The following ST18 variants were observed in gnomAD, a reference collection of about 807,000 sequenced individuals.
The protein encoded by ST18 is suppression of tumorigenicity 18 protein.
A neutral mutation model predicts 110.0 loss-of-function variants in ST18; 50 were observed. That is an observed-to-expected ratio of 0.45 (90% confidence interval 0.36 to 0.58). The LOEUF (loss-of-function observed/expected upper bound fraction) is 0.58, where lower values mean the gene tolerates loss of function less well. Among genes scored for constraint, ST18 ranks in the 20% least tolerant of loss-of-function variants. The probability of loss-of-function intolerance (pLI) is 0.00; values close to 1 mark genes in which losing one functional copy is unlikely to be tolerated. For synonymous variants in ST18, 461 were observed against 452.4 expected, an observed-to-expected ratio of 1.02 and a Z score of -0.24; for missense variants, 1,306 against 1,280.1, an observed-to-expected ratio of 1.02 and a Z score of -0.31.
chr8:52,249,352 A>T (rs2094112902), intron 2 of ST18: 2 of 152,380 alleles, frequency 1.3e-5, no homozygotes, highest in African/African-American at 4.8e-5. Context: ...TGCCAGACTG[A>T]CTTACCGGTG....
chr8:52,334,822 C>A (rs918001839), intron 2 of ST18, among the ~76,000 whole-genome samples: 1 of 152,300 alleles, frequency 6.6e-6, no homozygotes, highest in African/African-American at 2.4e-5. Flanking sequence ...TTTCTCTCAG[C>A]AAATCCAAGG....
chr8:52,188,880 G>T (rs2073405889), intron 8 of ST18, among the ~76,000 whole-genome samples: 1 of 152,194 alleles, frequency 6.6e-6, no homozygotes, highest in African/African-American at 2.4e-5. Flanking sequence ...GAATCATGTA[G>T]TTACCATTTC....
At chr8:52,337,712 G>A (rs557255964) in intron 2 of ST18, among the ~76,000 whole-genome samples, 13 of 152,318 alleles carry the variant, frequency 8.5e-5, no homozygotes, top group East Asian at 1.9e-4. Context: ...TAGAGTTGGC[G>A]TTTCTCAGGG....
In ST18 at chr8:52,336,989, G is replaced by A. The variant is rs79628873; in HGVS notation, c.-465+72339C>T. On this transcript the variant is annotated intron_variant, in intron 2 of 25. Transcript: ENST00000689386. ...AATAGGAAAACCATCTACCTTCATTGTGTATGATTTTGACAAAAAGTAATG... is the reference window on the plus strand; with the variant it reads ...AATAGGAAAACCATCTACCTTCATTATGTATGATTTTGACAAAAAGTAATG... Among the ~76,000 whole-genome samples, 782 of 152,248 alleles carry A rather than the reference G, an allele frequency of 5.1e-3. 11 individuals are homozygous for A. Among genetic ancestry groups the A allele is most frequent in the Admixed American group, 0.016 (247 of 15,292 alleles).
intron 2 of ST18, among the ~76,000 whole-genome samples, chr8:52,302,205 A>C (rs1027598029): frequency 2.0e-5 from 3 of 152,214 alleles, no homozygotes; most frequent in African/African-American, 7.2e-5. Context: ...GAGTAAGAAA[A>C]TATGTTGGGG....
intron 9 of ST18, among the ~76,000 whole-genome samples, chr8:52,179,367 A>T (rs1177923551): frequency 6.6e-6 from 1 of 152,232 alleles, no homozygotes; most frequent in Non-Finnish European, 1.5e-5. Flanking sequence ...GTGTTTGATG[A>T]GTAAGTGAAG....
In ST18 at chr8:52,111,619, A is replaced by G. The variant is rs1451423280; in HGVS notation, c.*1579T>C. On this transcript the variant is annotated 3_prime_UTR_variant, in exon 26 of 26. Transcript: ENST00000689386. ...ACAGTGGAATACATCAAGCCTGTGA[A>G]TGCCATCACTTTCCATCTAAATATC... 6.6e-6 allele frequency: 1 copy of G among 152,616 alleles called. No homozygotes were observed. The highest frequency in any genetic ancestry group is 1.5e-5 in the Non-Finnish European group (1 of 68,028). The allele number at this position is 152,616 out of a possible 1,614,324, so 9.5% of individuals were successfully genotyped here.
At chr8:52,215,454 A>G (rs533580635) in intron 6 of ST18, among the ~76,000 whole-genome samples, 1 of 152,280 alleles carries the variant, frequency 6.6e-6, no homozygotes, top group Admixed American at 6.5e-5. Context: ...TCCATTGTGC[A>G]TTTTTTCACC....
At chr8:52,209,776 A>ATATAT (rs1196733238) in intron 8 of ST18, among the ~76,000 whole-genome samples, 10 of 131,106 alleles carry the variant, frequency 7.6e-5, no homozygotes, top group South Asian at 5.0e-4. Flanking sequence ...ATCTCAAAAA[A>ATATAT]AAAAAAAAAA....
At position 52,151,464 on chromosome 8, in the gene ST18, G is replaced by A. The variant is rs569268286; in HGVS notation, c.1807-1487C>T. On this transcript the variant is annotated intron_variant, in intron 15 of 25. Coordinates refer to ENST00000689386, the MANE Select transcript of ST18 (RefSeq NM_001352837.2). ...AATCTCTCGTGATAGTTTTAAGCCC[G>A]GAATTTGGCAGTACAGCTTATCCGG... 3.9e-5 allele frequency among the ~76,000 whole-genome samples: 6 copies of A among 152,198 alleles called. No homozygotes were observed. In the East Asian group the frequency reaches 5.8e-4, roughly 15 times the overall value.
chr8:52,379,055 T>A (rs547124809), intron 2 of ST18, among the ~76,000 whole-genome samples: 2 of 151,958 alleles, frequency 1.3e-5, no homozygotes. Flanking sequence ...CATCAAATAA[T>A]GCTATCTACA....
chr8:52,332,144 T>C (rs1809781867), intron 2 of ST18, among the ~76,000 whole-genome samples: 1 of 152,054 alleles, frequency 6.6e-6, no homozygotes, highest in South Asian at 2.1e-4. Flanking sequence ...AACCACTCAT[T>C]GTTACCAGTT....
At chr8:52,380,289 T>A (rs781370183) in intron 2 of ST18, among the ~76,000 whole-genome samples, 7 of 152,202 alleles carry the variant, frequency 4.6e-5, no homozygotes, top group Non-Finnish European at 8.8e-5. Context: ...CATTCCTTAT[T>A]TTTTCTTAAT....
chr8:52,241,459 A>C (rs551346291), intron 2 of ST18, among the ~76,000 whole-genome samples: 3 of 152,236 alleles, frequency 2.0e-5, no homozygotes, highest in Non-Finnish European at 4.4e-5. Context: ...GTGAAACTGC[A>C]TGTGGCCACA....
At chr8:52,273,978 C>T (rs2095157655) in intron 2 of ST18, among the ~76,000 whole-genome samples, 1 of 152,184 alleles carries the variant, frequency 6.6e-6, no homozygotes, top group African/African-American at 2.4e-5. Context: ...AGTTCTGTAA[C>T]CCATTGACAC....
chr8:52,267,483 T>A (rs1322070158), intron 2 of ST18, among the ~76,000 whole-genome samples: 71 of 114,976 alleles, frequency 6.2e-4, no homozygotes, highest in Admixed American at 8.3e-4. Flanking sequence ...AGAGATAAGC[T>A]AAAAAAAAAA....
chr8:52,330,716 C>T lies in ST18; in HGVS notation c.-465+78612G>A, dbSNP rs73679041. Among the ~76,000 whole-genome samples, 1,352 of 152,294 alleles carry T rather than the reference C, an allele frequency of 8.9e-3. 18 individuals are homozygous for T. The highest frequency in any genetic ancestry group is 0.03 in the African/African-American group (1,231 of 41,568). ...CCTGTGCTCACCTGGCAGGTGATGG[C>T]GTGGGCAGGAAGTGCACAGCCTGCC... On this transcript the variant is annotated intron_variant, in intron 2 of 25. Coordinates refer to ENST00000689386, the MANE Select transcript of ST18 (RefSeq NM_001352837.2).
intron 2 of ST18, among the ~76,000 whole-genome samples, chr8:52,397,784 T>C (rs1384881986): frequency 6.6e-6 from 1 of 152,290 alleles, no homozygotes; most frequent in Non-Finnish European, 1.5e-5. Flanking sequence ...TTCTGGGTAC[T>C]CTATTCTGTT....
At chr8:52,208,954 C>T (rs1335395946) in intron 8 of ST18, among the ~76,000 whole-genome samples, 1 of 152,106 alleles carries the variant, frequency 6.6e-6, no homozygotes, top group Non-Finnish European at 1.5e-5. Flanking sequence ...TAAGCTGGGT[C>T]TCATTAAATA....
Sources: allele counts gnomAD v4.1 joint callset (sites outside exome capture counted in the v4.1 genomes callset), GRCh38; gene constraint gnomAD v4.1.1; transcripts MANE v1.5; gene names NCBI Gene and HGNC (gene_info 2026-07-23, HGNC 2026-07-21).